RIC3: variants seen among roughly 807,000 people sequenced by gnomAD.
The protein encoded by RIC3 is RIC3 acetylcholine receptor chaperone.
RIC3 carries 28 observed loss-of-function variants against 27.3 expected under a neutral mutation model. The ratio of observed to expected loss-of-function variants is 1.02; its 90% CI spans 0.76 to 1.41. The LOEUF (loss-of-function observed/expected upper bound fraction) is 1.41. RIC3 is among the 40% of genes most tolerant of loss of function. The pLI is 0.00. For synonymous variants in RIC3, 184 were observed against 160.4 expected, an observed-to-expected ratio of 1.15 and a Z score of -1.11; for missense variants, 501 against 444.7, an observed-to-expected ratio of 1.13 and a Z score of -1.14.
At chr11:8,098,058 C>G in the RIC3 span, among the ~76,000 whole-genome samples, 1 of 152,240 alleles carries the variant, frequency 6.6e-6, no homozygotes, top group East Asian at 1.9e-4. Context: ...GAGGTGGGTG[C>G]AGGCCCACCA....
At chr11:8,120,589 A>C (rs1174568821) in intron 5 of RIC3, among the ~76,000 whole-genome samples, 1 of 152,178 alleles carries the variant, frequency 6.6e-6, no homozygotes, top group African/African-American at 2.4e-5. Context: ...TGATGAGTTG[A>C]TGGGTGGAGC....
chr11:8,148,462 G>C (rs1199711478), intron 1 of RIC3, among the ~76,000 whole-genome samples: 1 of 152,162 alleles, frequency 6.6e-6, no homozygotes, highest in Non-Finnish European at 1.5e-5. Context: ...CAATAAACTG[G>C]ATCTAATATT....
At chr11:8,100,331 G>C in the RIC3 span, among the ~76,000 whole-genome samples, 1 of 152,168 alleles carries the variant, frequency 6.6e-6, no homozygotes, top group Non-Finnish European at 1.5e-5. Context: ...AGTTCTGGCA[G>C]GGTAGAGACC....
chr11:8,136,445 T>A (rs1437737357), intron 4 of RIC3, among the ~76,000 whole-genome samples: 6 of 152,170 alleles, frequency 3.9e-5, no homozygotes, highest in Non-Finnish European at 5.9e-5. Context: ...ACTGAACCCT[T>A]CTTTGTCCTC....
In RIC3 at chr11:8,153,268, GAC is replaced by G. The variant is rs1950394313; in HGVS notation, c.125-13077_125-13076del. 5.6e-5 allele frequency: 19 copies of G among 337,594 alleles called. 2 individuals are homozygous for G. The highest frequency in any genetic ancestry group is 4.1e-4 in the South Asian group (17 of 41,638). 20.9% of individuals were successfully genotyped at this position (337,594 alleles called of 1,614,324 possible). A position where few individuals can be genotyped will look rare whatever the true frequency, so the allele number is the denominator to read the frequency against. On this transcript the variant is annotated intron_variant, in intron 1 of 5. Transcript: ENST00000309737. ...CTGCTGAGCACTTAACAATGTGACAGACACTATGTCAGGCTCTGAGATTAGAA... is the reference window on the plus strand; with the variant it reads ...CTGCTGAGCACTTAACAATGTGACAGACTATGTCAGGCTCTGAGATTAGAA...
At chr11:8,153,160 ATAGAC>A (rs1950384381) in intron 1 of RIC3, among the ~76,000 whole-genome samples, 1 of 152,238 alleles carries the variant, frequency 6.6e-6, no homozygotes, top group East Asian at 1.9e-4. Context: ...AATGGAACAT[ATAGAC>A]TAGATAGCAA....
At chr11:8,140,831 T>C (rs1948969606) in intron 1 of RIC3, among the ~76,000 whole-genome samples, 1 of 151,916 alleles carries the variant, frequency 6.6e-6, no homozygotes, top group African/African-American at 2.4e-5. Flanking sequence ...ACAGCGGATC[T>C]CTCGGCAGAA....
At chr11:8,121,725 A>G (rs1014159407) in intron 5 of RIC3, among the ~76,000 whole-genome samples, 1 of 152,186 alleles carries the variant, frequency 6.6e-6, no homozygotes, top group Non-Finnish European at 1.5e-5. Flanking sequence ...GTCTCAAAAA[A>G]AATAATAATA....
intron 4 of RIC3, among the ~76,000 whole-genome samples, chr11:8,127,790 C>T (rs936278090): frequency 2.0e-5 from 3 of 152,176 alleles, no homozygotes; most frequent in Non-Finnish European, 2.9e-5. Flanking sequence ...ATGTACTAGC[C>T]TGTGGAGATG....
chr11:8,124,921 T>A (rs1211740610), intron 5 of RIC3, among the ~76,000 whole-genome samples: 1 of 152,084 alleles, frequency 6.6e-6, no homozygotes, highest in Non-Finnish European at 1.5e-5. Flanking sequence ...AACATGGGAA[T>A]TGGGAAACCT....
In RIC3 at chr11:8,126,749, T is replaced by C; in HGVS notation, c.580A>G (p.Ile194Val). ...EKRLLHQLRE[I>V]TRVMKEGKFI... ...TTTCCTTCTTTCATGACCCTGGTGA[T>C]TTCTCGGAGCTGATGTAGCAACCGT... Residue 194 changes from isoleucine to valine, a missense_variant, in exon 5 of 6, where the codon ATC becomes GTC. Coordinates refer to ENST00000309737, the MANE Select transcript of RIC3 (RefSeq NM_001206671.4). 6.2e-7 allele frequency: 1 copy of C among 1,614,176 alleles called. No individual in the cohort carries two copies. Among genetic ancestry groups the C allele is most frequent in the Non-Finnish European group, 8.5e-7 (1 of 1,180,028 alleles).
At chr11:8,167,159 T>C (rs913266974) in intron 1 of RIC3, among the ~76,000 whole-genome samples, 14 of 152,170 alleles carry the variant, frequency 9.2e-5, no homozygotes, top group Admixed American at 3.9e-4. Context: ...AAAGTATTTA[T>C]TGACTGCCCA....
rs562554563 is a variant in RIC3 at position 8,147,046 on chromosome 11, C to T, written c.125-6853G>A. Among the ~76,000 whole-genome samples, 10 of 152,314 alleles carry T rather than the reference C, an allele frequency of 6.6e-5. No individual in the cohort carries two copies. The South Asian group carries it at 1.2e-3, about 19-fold the overall frequency. On this transcript the variant is annotated intron_variant, in intron 1 of 5. Coordinates refer to ENST00000309737, the MANE Select transcript of RIC3 (RefSeq NM_001206671.4). ...AAAGTCATCTTCCTGCTCACTGAGA[C>T]AGATGCATATCTGATTGCCTCCTTT... is the stretch of plus-strand genomic sequence containing the variant.
intron 5 of RIC3, among the ~76,000 whole-genome samples, chr11:8,120,927 A>C (rs916975898): frequency 1.3e-5 from 2 of 152,178 alleles, no homozygotes; most frequent in African/African-American, 4.8e-5. Flanking sequence ...ATTTGTGTAC[A>C]GGTGAAAAAT....
chr11:8,104,927 G>GTTTTTTTTTTT (rs764446328), downstream of RIC3: 7 of 144,104 alleles, frequency 4.9e-5, no homozygotes, highest in Non-Finnish European at 6.0e-5. Flanking sequence ...GAAGCAGAAG[G>GTTTTTTTTTTT]TTGTTTTTTT....
At chr11:8,099,276 T>G in the RIC3 span, among the ~76,000 whole-genome samples, 15 of 152,190 alleles carry the variant, frequency 9.9e-5, no homozygotes, top group Non-Finnish European at 1.9e-4. Context: ...TAGATCCTAT[T>G]TTCTTTATAG....
intron 1 of RIC3, among the ~76,000 whole-genome samples, chr11:8,141,072 A>C (rs1048570871): frequency 8.0e-5 from 12 of 149,500 alleles, no homozygotes; most frequent in African/African-American, 3.0e-4. Context: ...AGCCGCTGCA[A>C]AATCATGCCA....
intron 1 of RIC3, among the ~76,000 whole-genome samples, chr11:8,167,266 GT>G (rs1395393832): frequency 6.6e-6 from 1 of 152,058 alleles, no homozygotes; most frequent in Non-Finnish European, 1.5e-5. Context: ...AAACAAACAA[GT>G]AAACACTTAA....
chr11:8,166,919 A>G (rs1348078704), intron 1 of RIC3, among the ~76,000 whole-genome samples: 2 of 151,908 alleles, frequency 1.3e-5, no homozygotes, highest in East Asian at 1.9e-4. Flanking sequence ...GGAAGAGAGG[A>G]AAGGAGGGAG....
Sources: gnomAD v4.1 joint callset for allele counts (sites outside exome capture counted in the v4.1 genomes callset) on GRCh38, gnomAD v4.1.1 for gene constraint, MANE v1.5 for transcripts, NCBI Gene and HGNC (gene_info 2026-07-23, HGNC 2026-07-21) for gene names.